NCKAP5: variants seen among roughly 807,000 people sequenced by gnomAD.
NCKAP5 encodes the protein NCK associated protein 5.
In NCKAP5, 92 loss-of-function variants were observed where a neutral mutation model predicts 167.0. The observed-to-expected ratio is 0.55, with a 90% CI of 0.47 to 0.66. NCKAP5 has a LOEUF of 0.66. NCKAP5 is among the 30% of genes least tolerant of loss of function. The probability of loss-of-function intolerance (pLI) is 0.00; values close to 1 mark genes in which losing one functional copy is unlikely to be tolerated. For synonymous variants in NCKAP5, 891 were observed against 877.4 expected, an observed-to-expected ratio of 1.02 and a Z score of -0.27; for missense variants, 2,378 against 2,315.0, an observed-to-expected ratio of 1.03 and a Z score of -0.56.
intron 1 of NCKAP5, among the ~76,000 whole-genome samples, chr2:133,562,909 A>G (rs897073463): frequency 3.3e-5 from 5 of 152,182 alleles, no homozygotes; most frequent in Non-Finnish European, 7.3e-5. Context: ...TGAGAGATTT[A>G]TTATTTCATC....
intron 3 of NCKAP5, among the ~76,000 whole-genome samples, chr2:133,334,937 A>C (rs1266197617): frequency 3.9e-5 from 6 of 152,232 alleles, no homozygotes; most frequent in Non-Finnish European, 8.8e-5. Context: ...TGAATCAAAA[A>C]GAATAGAAAG....
chr2:132,977,575 T>G (rs1427256741), intron 7 of NCKAP5, among the ~76,000 whole-genome samples: 2 of 152,316 alleles, frequency 1.3e-5, no homozygotes, highest in African/African-American at 2.4e-5. Flanking sequence ...TCCTCCCACC[T>G]TCTTCCAACC....
At chr2:132,873,197 G>A (rs574355600) in intron 9 of NCKAP5, among the ~76,000 whole-genome samples, 3 of 151,472 alleles carry the variant, frequency 2.0e-5, no homozygotes, top group Non-Finnish European at 2.9e-5. Flanking sequence ...TCTGCCTCCC[G>A]GGTTCACGCC....
intron 6 of NCKAP5, among the ~76,000 whole-genome samples, chr2:133,005,575 T>C (rs1420827764): frequency 6.6e-6 from 1 of 152,242 alleles, no homozygotes; most frequent in East Asian, 1.9e-4. Flanking sequence ...GTCTGCTTTT[T>C]ATTTTCTTGA....
At chr2:133,320,850 G>A (rs1227221757) in intron 3 of NCKAP5, among the ~76,000 whole-genome samples, 1 of 152,198 alleles carries the variant, frequency 6.6e-6, no homozygotes, top group East Asian at 1.9e-4. Flanking sequence ...TGATGACGCT[G>A]GAGAAGTCCT....
chr2:133,458,750 AG>A (rs1216536445), intron 3 of NCKAP5, among the ~76,000 whole-genome samples: 1 of 152,096 alleles, frequency 6.6e-6, no homozygotes, highest in Non-Finnish European at 1.5e-5. Flanking sequence ...GGGTGGCAGG[AG>A]GGGGATGAAG....
In NCKAP5 at chr2:133,473,324, T is replaced by C. The variant is rs538994446; in HGVS notation, c.69+44134A>G. On this transcript the variant is annotated intron_variant, in intron 3 of 19. Transcript: ENST00000409261. ...TCCAGCCTGGGCGACAGAGCGAGAC[T>C]CCGTCTCAAAAAAAAAAAAATTAAT... Among the ~76,000 whole-genome samples, 3 of 147,262 alleles carry C rather than the reference T, an allele frequency of 2.0e-5. No individual in the cohort carries two copies. The East Asian group carries it at 5.8e-4, about 29-fold the overall frequency.
chr2:133,187,295 T>G (rs1022148114), intron 5 of NCKAP5, among the ~76,000 whole-genome samples: 5 of 152,104 alleles, frequency 3.3e-5, no homozygotes, highest in African/African-American at 1.2e-4. Context: ...AGAACACTGT[T>G]GTACTGTGTT....
chr2:133,440,271 A>G (rs1690750402), intron 3 of NCKAP5, among the ~76,000 whole-genome samples: 1 of 152,162 alleles, frequency 6.6e-6, no homozygotes, highest in Non-Finnish European at 1.5e-5. Flanking sequence ...GAGCCTGAGT[A>G]CGTTTCCACA....
At chr2:133,119,855 T>G (rs1404783907) in intron 6 of NCKAP5, among the ~76,000 whole-genome samples, 1 of 151,552 alleles carries the variant, frequency 6.6e-6, no homozygotes, top group Admixed American at 6.6e-5. Flanking sequence ...TTATTATTAT[T>G]AATATATATG....
At chr2:132,877,760 C>T (rs1691395297) in intron 9 of NCKAP5, among the ~76,000 whole-genome samples, 1 of 151,980 alleles carries the variant, frequency 6.6e-6, no homozygotes, top group South Asian at 2.1e-4. Flanking sequence ...TGAGACAGTG[C>T]ATTGGAGGAG....
intron 17 of NCKAP5, among the ~76,000 whole-genome samples, chr2:132,730,512 A>T (rs1184211908): frequency 6.6e-6 from 1 of 152,178 alleles, no homozygotes; most frequent in Non-Finnish European, 1.5e-5. Context: ...AAACAAAAAC[A>T]AAAAAGACAG....
At chr2:132,698,914 G>A (rs763448224) in intron 19 of NCKAP5, among the ~76,000 whole-genome samples, 10 of 152,200 alleles carry the variant, frequency 6.6e-5, no homozygotes, top group Middle Eastern at 3.4e-3. Flanking sequence ...AGAAACTCTG[G>A]GTTAAGGCCC....
At chr2:133,088,985 T>C (rs980603872) in intron 6 of NCKAP5, among the ~76,000 whole-genome samples, 1 of 152,098 alleles carries the variant, frequency 6.6e-6, no homozygotes, top group Non-Finnish European at 1.5e-5. Context: ...ATATAGGAAA[T>C]AGAGGGAAAC....
At chr2:133,052,425 T>C (rs947700630) in intron 6 of NCKAP5, among the ~76,000 whole-genome samples, 1 of 152,066 alleles carries the variant, frequency 6.6e-6, no homozygotes, top group African/African-American at 2.4e-5. Context: ...GTATGAAAAC[T>C]GGAGAGTTTG....
At chr2:133,030,721 T>C (rs1256630511) in intron 6 of NCKAP5, among the ~76,000 whole-genome samples, 1 of 152,178 alleles carries the variant, frequency 6.6e-6, no homozygotes, top group East Asian at 1.9e-4. Context: ...TTATCTCAGT[T>C]CAGGCTGCTG....
chr2:133,165,404 A>G (rs2083958452), intron 5 of NCKAP5, among the ~76,000 whole-genome samples: 1 of 152,204 alleles, frequency 6.6e-6, no homozygotes, highest in Non-Finnish European at 1.5e-5. Context: ...AAAATCTTTT[A>G]AAAGTCATAT....
the NCKAP5 span, among the ~76,000 whole-genome samples, chr2:133,643,827 A>G: frequency 6.6e-6 from 1 of 152,102 alleles, no homozygotes; most frequent in African/African-American, 2.4e-5. Context: ...GCAATTCTTG[A>G]AAGTGCCATG....
At chr2:133,524,976 G>C (rs1684751507) in intron 2 of NCKAP5, among the ~76,000 whole-genome samples, 1 of 152,126 alleles carries the variant, frequency 6.6e-6, no homozygotes, top group Non-Finnish European at 1.5e-5. Flanking sequence ...ATGAGTGTAT[G>C]TGTGCATGTG....
Sources: allele counts gnomAD v4.1 joint callset (sites outside exome capture counted in the v4.1 genomes callset), GRCh38; gene constraint gnomAD v4.1.1; transcripts MANE v1.5; gene names NCBI Gene and HGNC (gene_info 2026-07-23, HGNC 2026-07-21).